Variants in FBXO42 observed in about 807,000 individuals in gnomAD.
FBXO42 encodes the protein F-box protein 42.
FBXO42 carries 12 observed loss-of-function variants against 71.7 expected under a neutral mutation model. The observed-to-expected ratio is 0.17, with a 90% CI of 0.11 to 0.27. The LOEUF is 0.27. Among genes scored for constraint, FBXO42 ranks in the 10% least tolerant of loss-of-function variants. FBXO42 has a pLI of 1.00. For missense variants in FBXO42, 707 were observed against 911.9 expected, an observed-to-expected ratio of 0.78 and a Z score of 2.89; for synonymous variants, 325 against 327.5, an observed-to-expected ratio of 0.99 and a Z score of 0.08.
chr1:16,277,603 T>C (rs2081918206), intron 4 of FBXO42, among the ~76,000 whole-genome samples: 1 of 151,416 alleles, frequency 6.6e-6, no homozygotes, highest in Non-Finnish European at 1.5e-5. Context: ...TATGCACCTG[T>C]AATCCCAGCT....
intron 3 of FBXO42, among the ~76,000 whole-genome samples, chr1:16,300,893 C>CTT (rs34549210): frequency 0.013 from 1,288 of 100,684 alleles, 4 homozygotes; most frequent in African/African-American, 0.023. Context: ...TAGAATTGGC[C>CTT]TTTTTTTTTT....
Position 16,250,672 on chromosome 1 carries a change from A to G in FBXO42, c.2152T>C (p.Ter718GlnextTer24). The G allele has an allele frequency of 6.2e-7, 1 of 1,612,046 alleles. No individual in the cohort carries two copies. The highest frequency in any genetic ancestry group is 8.5e-7 in the Non-Finnish European group (1 of 1,178,656). Residue 718 changes from the stop codon to glutamine (Q), a stop_lost, in exon 10 of 10, where the codon TAA becomes CAA. Coordinates refer to ENST00000375592, the MANE Select transcript of FBXO42 (RefSeq NM_018994.3). This position sits in a 1 kb window ranked among gnomAD's most constrained non-coding sequence, Gnocchi z 4.7. The stretch of plus-strand genomic sequence containing the variant: ...AAAGGAAAGGGGTTTAGAACACATT[A>G]TCTCTTTGCTCGTACAAAGTACAAG... ...NALYFVRAKR[*>Q]
intron 4 of FBXO42, among the ~76,000 whole-genome samples, chr1:16,291,817 A>G (rs2082082164): frequency 6.6e-6 from 1 of 152,058 alleles, no homozygotes; most frequent in South Asian, 2.1e-4. Flanking sequence ...GACTACAGGC[A>G]CATGCCATCA....
At chr1:16,257,452 A>G (rs2100436705) in intron 4 of FBXO42, among the ~76,000 whole-genome samples, 1 of 152,318 alleles carries the variant, frequency 6.6e-6, no homozygotes, top group African/African-American at 2.4e-5. Context: ...AACACCATCT[A>G]GACTGGACCT....
intron 3 of FBXO42, among the ~76,000 whole-genome samples, chr1:16,303,462 T>C: frequency 6.6e-6 from 1 of 152,202 alleles, no homozygotes; most frequent in East Asian, 1.9e-4. Context: ...TTCTTACAGA[T>C]TTCCGAATGT....
intron 4 of FBXO42, among the ~76,000 whole-genome samples, chr1:16,268,857 T>C (rs2081806978): frequency 6.6e-6 from 1 of 151,122 alleles, no homozygotes; most frequent in Admixed American, 6.6e-5. Context: ...TGGTGGCACA[T>C]GCCTGTAATC....
chr1:16,268,374 A>G (rs2081801369), intron 4 of FBXO42, among the ~76,000 whole-genome samples: 1 of 152,194 alleles, frequency 6.6e-6, no homozygotes, highest in Admixed American at 6.5e-5. Flanking sequence ...CACCTTAGAA[A>G]AGCATGTATT....
Position 16,350,754 on chromosome 1 carries a change from A to AG in FBXO42, c.-18+1500_-18+1501insC, listed in dbSNP as rs1557612332. ...AGAGTGAGAAACTGCAAAAAAAAAA[A>AG]AAAAAAGAAAGAAAGAAAGAAAGAA... On this transcript the variant is annotated intron_variant, in intron 1 of 9. Transcript: ENST00000375592. Among the ~76,000 whole-genome samples the AG allele has an allele frequency of 3.6e-4, 44 of 121,496 alleles. 1 individual carries two copies. Among genetic ancestry groups the AG allele is most frequent in the Admixed American group, 5.8e-4 (7 of 12,064 alleles). 79.7% of individuals were successfully genotyped at this position (121,496 alleles called of 152,430 possible).
chr1:16,327,117 T>G (rs2082458733), intron 1 of FBXO42, among the ~76,000 whole-genome samples: 1 of 152,196 alleles, frequency 6.6e-6, no homozygotes, highest in Non-Finnish European at 1.5e-5. Context: ...TCTGGCACAT[T>G]AGTAGACACC....
At chr1:16,350,680 G>C (rs576482491) in intron 1 of FBXO42, among the ~76,000 whole-genome samples, 117 of 147,008 alleles carry the variant, frequency 8.0e-4, no homozygotes, top group African/African-American at 2.8e-3. Flanking sequence ...CCAGGGGATG[G>C]AGATTGCAGA....
At chr1:16,277,914 T>C (rs79027485) in intron 4 of FBXO42, among the ~76,000 whole-genome samples, 1 of 151,360 alleles carries the variant, frequency 6.6e-6, no homozygotes, top group African/African-American at 2.4e-5. Context: ...TGGTGGCATA[T>C]GTCTATAGTC....
At chr1:16,352,020 G>A (rs1046186290) in intron 1 of FBXO42, among the ~76,000 whole-genome samples, 14 of 152,178 alleles carry the variant, frequency 9.2e-5, no homozygotes, top group African/African-American at 3.4e-4. Context: ...CCCTGCTGAG[G>A]AGAGGGGGTG....
At chr1:16,279,602 A>C (rs962474753) in intron 4 of FBXO42, among the ~76,000 whole-genome samples, 9 of 152,176 alleles carry the variant, frequency 5.9e-5, no homozygotes, top group Non-Finnish European at 1.2e-4. Flanking sequence ...TCCTTTCCTG[A>C]CTCTAATGAT....
chr1:16,298,528 G>A (rs1291957818), intron 3 of FBXO42, among the ~76,000 whole-genome samples: 1 of 152,128 alleles, frequency 6.6e-6, no homozygotes, highest in Non-Finnish European at 1.5e-5. Context: ...TTTATTTTCT[G>A]AGATGGAGTC....
intron 4 of FBXO42, among the ~76,000 whole-genome samples, chr1:16,286,972 G>T (rs2082028210): frequency 6.6e-6 from 1 of 152,142 alleles, no homozygotes; most frequent in South Asian, 2.1e-4. Flanking sequence ...TTTCAGCCTA[G>T]ATTATGCTAC....
At chr1:16,274,597 T>TG (rs1332076510) in intron 4 of FBXO42, among the ~76,000 whole-genome samples, 1 of 113,078 alleles carries the variant, frequency 8.8e-6, no homozygotes, top group African/African-American at 3.4e-5. Flanking sequence ...CGTTTTTTTT[T>TG]TTTTTTTTTT....
At chr1:16,284,600 G>C (rs2082001278) in intron 4 of FBXO42, among the ~76,000 whole-genome samples, 1 of 152,128 alleles carries the variant, frequency 6.6e-6, no homozygotes, top group Non-Finnish European at 1.5e-5. Flanking sequence ...GGGAGGCCAA[G>C]ATGGGCAGAT....
rs200961361 is a variant in FBXO42 at position 16,305,807 on chromosome 1, C to G, written c.363G>C (p.Ser121=). The G allele has an allele frequency of 3.1e-6, 5 of 1,612,858 alleles. No homozygotes were observed. In the African/African-American group the frequency reaches 4.0e-5, roughly 13 times the overall value. ...GCTTTCACAGTAAATACTTACTGTG[C>G]GAGAAGCGCTGAGTGATTGGGGTTC... ...YPGTPITQRF[S]HSACYYDANQ... The change falls in exon 3 of 10, where the codon TCG becomes TCC. Residue 121 remains serine, a synonymous_variant. Coordinates refer to ENST00000375592, the MANE Select transcript of FBXO42 (RefSeq NM_018994.3).
intron 1 of FBXO42, among the ~76,000 whole-genome samples, chr1:16,334,418 CAAAAAAAA>C (rs757658037): frequency 1.9e-5 from 1 of 52,788 alleles, no homozygotes; most frequent in African/African-American, 6.5e-5. Context: ...GACTCCGCCT[CAAAAAAAA>C]AAAAAAAAAA....
Sources: allele counts gnomAD v4.1 joint callset (sites outside exome capture counted in the v4.1 genomes callset), GRCh38; gene constraint gnomAD v4.1.1; non-coding constraint Gnocchi (gnomAD v3.1); transcripts MANE v1.5; gene names NCBI Gene and HGNC (gene_info 2026-07-23, HGNC 2026-07-21).